AIFM2: variants seen among roughly 807,000 people sequenced by gnomAD.
The protein encoded by AIFM2 is ferroptosis suppressor protein 1.
In AIFM2, 38 loss-of-function variants were observed where a neutral mutation model predicts 35.7. That is an observed-to-expected ratio of 1.06 (90% CI 0.82 to 1.39). AIFM2 has a LOEUF of 1.39. Ranked by LOEUF, AIFM2 falls within the 40% of genes most tolerant of loss-of-function variation. The probability of loss-of-function intolerance (pLI) is 0.00; values close to 1 mark genes in which losing one functional copy is unlikely to be tolerated. For synonymous variants in AIFM2, 185 were observed against 203.5 expected, an observed-to-expected ratio of 0.91 and a Z score of 0.77; for missense variants, 476 against 491.2, an observed-to-expected ratio of 0.97 and a Z score of 0.29.
chr10:70,120,771 G>C (rs2072492413), intron 4 of AIFM2, among the ~76,000 whole-genome samples, 172 bp from the exon 5 acceptor site: 1 of 152,234 alleles, frequency 6.6e-6, no homozygotes. Context: ...AATTGCTGTG[G>C]AAGATTGTGG....
At chr10:70,128,553 G>T (rs539100782) in intron 1 of AIFM2, among the ~76,000 whole-genome samples, 1 of 152,342 alleles carries the variant, frequency 6.6e-6, no homozygotes, top group South Asian at 2.1e-4. Context: ...AGTAGAGTCA[G>T]GGTTTCGCCG....
chr10:70,130,008 A>T (rs938681137), intron 1 of AIFM2, among the ~76,000 whole-genome samples: 3 of 151,924 alleles, frequency 2.0e-5, no homozygotes, highest in Non-Finnish European at 4.4e-5. Flanking sequence ...ATATGGTGAA[A>T]CCCCATCTCT....
chr10:70,119,571 G>GT (rs1478080312), intron 5 of AIFM2, among the ~76,000 whole-genome samples: 1 of 152,106 alleles, frequency 6.6e-6, no homozygotes, highest in East Asian at 1.9e-4. Context: ...AAACAGTTTG[G>GT]TTTTTCCCTA....
At chr10:70,125,028 A>G (rs1458736100) in intron 1 of AIFM2, among the ~76,000 whole-genome samples, 1 of 152,170 alleles carries the variant, frequency 6.6e-6, no homozygotes, top group Non-Finnish European at 1.5e-5. Context: ...TGCAAGTTCA[A>G]GCTCTTCCTC....
At chr10:70,116,111 GA>G (rs2072432568) in intron 7 of AIFM2, among the ~76,000 whole-genome samples, 1 of 152,162 alleles carries the variant, frequency 6.6e-6, no homozygotes, top group South Asian at 2.1e-4. Flanking sequence ...CTCACAAATG[GA>G]GGCTTAAACA....
At position 70,112,561 on chromosome 10, in the gene AIFM2, CACTT is replaced by C. The variant is rs995901567; in HGVS notation, c.*1613_*1616del. 2.9e-4 allele frequency: 44 copies of C among 152,242 alleles called. No individual in the cohort carries two copies. Among genetic ancestry groups the C allele is most frequent in the African/African-American group, 1.0e-3 (43 of 41,444 alleles). The allele number at this position is 152,242 out of a possible 1,614,324, so 9.4% of individuals were successfully genotyped here. A position where few individuals can be genotyped will look rare whatever the true frequency, so the allele number is the denominator to read the frequency against. On this transcript the variant is annotated 3_prime_UTR_variant, in exon 9 of 9. Coordinates refer to ENST00000307864, the MANE Select transcript of AIFM2 (RefSeq NM_032797.6). Reference sequence around the variant, plus strand: ...CATCCTCCAATAGAGGCACACGACTCACTTAGGCCTGGGCGACAGCCCCAACGGG... The same window carrying C: ...CATCCTCCAATAGAGGCACACGACTCAGGCCTGGGCGACAGCCCCAACGGG...
chr10:70,131,713 C>T lies in AIFM2; in HGVS notation c.-14+1021G>A, dbSNP rs1170568091. On this transcript the variant is annotated intron_variant, in intron 1 of 8. Coordinates refer to ENST00000307864, the MANE Select transcript of AIFM2 (RefSeq NM_032797.6). The surrounding 1 kb of genome is among the most constrained non-coding windows in gnomAD (Gnocchi z 4.1). ...GTCCACCGGCCTGCCCAGCCCATCA[C>T]TTCTGGGCTAGGTAGTGCTAAGCCT... is the stretch of plus-strand genomic sequence containing the variant. Among the ~76,000 whole-genome samples, 2 of 152,140 alleles carry T rather than the reference C, an allele frequency of 1.3e-5. No homozygotes were observed. The highest frequency in any genetic ancestry group is 2.9e-5 in the Non-Finnish European group (2 of 68,010).
In AIFM2 at chr10:70,116,785, G is replaced by A; in HGVS notation, c.617-11C>T. The A allele has an allele frequency of 1.9e-6, 3 of 1,613,116 alleles. No homozygotes were observed. The highest frequency in any genetic ancestry group is 2.5e-6 in the Non-Finnish European group (3 of 1,179,212). On this transcript the variant is annotated splice_polypyrimidine_tract_variant and intron_variant, in intron 6 of 8. Coordinates refer to ENST00000307864, the MANE Select transcript of AIFM2 (RefSeq NM_032797.6). Reference sequence around the variant, plus strand: ...TGCTCACCCGCTCACCTAGAAGGGGGTTCATGACCAGGAGGCTGGTGGGGA... The same window carrying A: ...TGCTCACCCGCTCACCTAGAAGGGGATTCATGACCAGGAGGCTGGTGGGGA...
chr10:70,118,679 A>G (rs1329212541), intron 5 of AIFM2, among the ~76,000 whole-genome samples: 1 of 152,168 alleles, frequency 6.6e-6, no homozygotes, highest in Non-Finnish European at 1.5e-5. Flanking sequence ...TAAGAAGAAA[A>G]GTATATATTG....
rs35599207 is a variant in AIFM2 at position 70,121,223 on chromosome 10, CAAAAAAAAAAAAAA to C, written c.295-26_295-13del. The C allele has an allele frequency of 2.5e-4, 163 of 665,174 alleles. No homozygotes were observed. In the East Asian group the frequency reaches 4.4e-3, roughly 18 times the overall value. The allele number at this position is 665,174 out of a possible 1,614,324, so 41.2% of individuals were successfully genotyped here. Reference sequence around the variant, plus strand: ...GAGAAGGGCAGGGCCTGAGAGAAACCAAAAAAAAAAAAAAAAAAAAAAAAAAAAAGATGAGGGTA... The same window carrying C: ...GAGAAGGGCAGGGCCTGAGAGAAACCAAAAAAAAAAAAAAAGATGAGGGTA... On this transcript the variant is annotated splice_polypyrimidine_tract_variant and intron_variant, in intron 3 of 8. Transcript: ENST00000307864.
At chr10:70,128,045 G>A (rs1564555069) in intron 1 of AIFM2, among the ~76,000 whole-genome samples, 1 of 152,232 alleles carries the variant, frequency 6.6e-6, no homozygotes, top group Non-Finnish European at 1.5e-5. Context: ...GTCGGTTCTT[G>A]CCTGGCCCCA....
intron 5 of AIFM2, 135 bp downstream of exon 5, chr10:70,120,372 A>G: frequency 2.1e-6 from 2 of 932,742 alleles, no homozygotes; most frequent in Non-Finnish European, 3.4e-6. Context: ...CTTGGCACAA[A>G]ACAGAAATAC....
Position 70,123,891 on chromosome 10 carries a change from G to A in AIFM2, c.178+16C>T. The A allele has an allele frequency of 6.5e-7, 1 of 1,545,148 alleles. No individual in the cohort carries two copies. The highest frequency in any genetic ancestry group is 8.8e-7 in the Non-Finnish European group (1 of 1,141,384). ...GACCCCCCTCACAGAGACAGCCCCA[G>A]ACGGGAGCACATTACCTGTCTCCAC... On this transcript the variant is annotated intron_variant, in intron 2 of 8. Transcript: ENST00000307864.
chr10:70,114,320 G>A lies in AIFM2; in HGVS notation c.980C>T (p.Thr327Met), dbSNP rs763989866. 51 of 1,613,806 alleles carry A rather than the reference G, an allele frequency of 3.2e-5. No homozygotes were observed. Among genetic ancestry groups the A allele is most frequent in the African/African-American group, 1.2e-4 (9 of 74,836 alleles). Reference sequence around the variant, plus strand: ...ATTTCTCCCCATGGACAGGAGGAACGTCAGTGCACCTGCAAGCAGAGACAC... The same window carrying A: ...ATTTCTCCCCATGGACAGGAGGAACATCAGTGCACCTGCAAGCAGAGACAC... ...PLQAYKPGAL[T>M]FLLSMGRNDG... Residue 327 changes from threonine (T) to methionine (M), a missense_variant, in exon 9 of 9, where the codon ACG (threonine) becomes ATG (methionine). By Grantham distance (81) the Thr-to-Met change is moderately conservative. Transcript: ENST00000307864.
rs1180186797 is a variant in AIFM2 at position 70,114,950 on chromosome 10, TCA to T, written c.938_939del (p.Val313GlufsTer23). 2.5e-6 allele frequency: 4 copies of T among 1,614,154 alleles called. No individual in the cohort carries two copies. In the East Asian group the frequency reaches 6.7e-5, roughly 27 times the overall value. On this transcript the variant is annotated frameshift_variant, in exon 8 of 9. Coordinates refer to ENST00000307864, the MANE Select transcript of AIFM2 (RefSeq NM_032797.6). LOFTEE classifies it high-confidence loss of function. Reference protein sequence around the residue: ...NIAVANIVNSVKQRPLQAYKP... With the variant: ...NIAVANIVNSXKQRPLQAYKP... ...TTGTAGGCCTGGAGAGGCCGCTGCT[TCA>T]CAGAGTTGACGATGTTGGCCACGGC...
intron 1 of AIFM2, among the ~76,000 whole-genome samples, chr10:70,125,149 T>C (rs2072551204): frequency 2.0e-5 from 3 of 152,142 alleles, no homozygotes; most frequent in Non-Finnish European, 2.9e-5. Context: ...CATGAGCCAA[T>C]ACATTTCTGT....
At chr10:70,129,126 A>T (rs1016279488) in intron 1 of AIFM2, among the ~76,000 whole-genome samples, 11 of 133,900 alleles carry the variant, frequency 8.2e-5, no homozygotes, top group African/African-American at 2.9e-4. Flanking sequence ...GAGCTGGCTA[A>T]TTTTTTTTTT....
At chr10:70,120,381 A>G in intron 5 of AIFM2, 126 bp downstream of exon 5, 1 of 968,556 alleles carries the variant, frequency 1.0e-6, no homozygotes. Flanking sequence ...AAACAGAAAT[A>G]CACACTCCCA....
chr10:70,122,576 C>T lies in AIFM2; in HGVS notation c.294+829G>A, dbSNP rs545439717. Among the ~76,000 whole-genome samples the T allele has an allele frequency of 3.9e-3, 590 of 152,272 alleles. 5 individuals carry two copies. The highest frequency in any genetic ancestry group is 0.013 in the African/African-American group (553 of 41,558). The stretch of plus-strand genomic sequence containing the variant: ...TGCACATGTGAGGTGGGGGAACACA[C>T]AAATGAGTGAAGGGAAACCTCTGCC... On this transcript the variant is annotated intron_variant, in intron 3 of 8. Coordinates refer to ENST00000307864, the MANE Select transcript of AIFM2 (RefSeq NM_032797.6).
Sources: gnomAD v4.1 joint callset for allele counts (sites outside exome capture counted in the v4.1 genomes callset) on GRCh38, gnomAD v4.1.1 for gene constraint, Gnocchi (gnomAD v3.1) non-coding constraint, MANE v1.5 for transcripts, NCBI Gene and HGNC (gene_info 2026-07-23, HGNC 2026-07-21) for gene names.